NOMO2: variants seen among roughly 807,000 people sequenced by gnomAD.
NOMO2 encodes BOS complex subunit NOMO2.
In NOMO2, 14 loss-of-function variants were observed where a neutral mutation model predicts 67.1. That is an observed-to-expected ratio of 0.21 (90% CI 0.14 to 0.33). The LOEUF (loss-of-function observed/expected upper bound fraction) is 0.33, where lower values mean the gene tolerates loss of function less well. Ranked by LOEUF, NOMO2 falls within the 10% of genes least tolerant of loss-of-function variation. The probability of loss-of-function intolerance (pLI) is 1.00; values close to 1 mark genes in which losing one functional copy is unlikely to be tolerated. For synonymous variants in NOMO2, 80 were observed against 305.9 expected (o/e 0.26, Z 7.71); for missense variants, 178 against 761.0 (o/e 0.23, Z 9.01).
chr16:18,536,478 CTCTT>C (rs1400407085), intron 11 of NOMO2, among the ~76,000 whole-genome samples: 3 of 151,852 alleles, frequency 2.0e-5, no homozygotes, highest in African/African-American at 7.2e-5. Flanking sequence ...TAATTTTTAT[CTCTT>C]TATTTATTTT....
intron 28 of NOMO2, among the ~76,000 whole-genome samples, chr16:18,507,476 A>C (rs1287306814): frequency 1.8e-5 from 1 of 54,640 alleles, no homozygotes; most frequent in Non-Finnish European, 3.6e-5. Flanking sequence ...TGTGCTGAGC[A>C]CCGACCAGCT....
At chr16:18,528,696 T>C (rs1200278331) in intron 15 of NOMO2, among the ~76,000 whole-genome samples, 1 of 151,644 alleles carries the variant, frequency 6.6e-6, no homozygotes, top group African/African-American at 2.4e-5. Flanking sequence ...GGCTCACGCC[T>C]GTAATCCTAG....
intron 4 of NOMO2, among the ~76,000 whole-genome samples, chr16:18,550,574 T>C (rs978600198): frequency 6.6e-6 from 1 of 151,892 alleles, no homozygotes; most frequent in African/African-American, 2.4e-5. Context: ...GAAGCACATC[T>C]CAACCTCAGG....
intron 11 of NOMO2, 73 bp from the exon 12 acceptor site, chr16:18,533,252 A>C: frequency 3.9e-6 from 6 of 1,524,436 alleles, no homozygotes; most frequent in Non-Finnish European, 5.4e-6. Context: ...CGACCAAAAA[A>C]GATGCAGCCC....
intron 5 of NOMO2, among the ~76,000 whole-genome samples, chr16:18,549,235 C>T (rs1363105311): frequency 2.0e-5 from 3 of 151,712 alleles, no homozygotes; most frequent in Non-Finnish European, 2.9e-5. Flanking sequence ...GTGATCCTCC[C>T]ATCCTGGCCT....
intron 16 of NOMO2, among the ~76,000 whole-genome samples, chr16:18,526,350 C>T (rs1323306900): frequency 2.0e-5 from 3 of 152,090 alleles, no homozygotes; most frequent in Non-Finnish European, 2.9e-5. Context: ...CTGTGGAAAA[C>T]AATTTGACAG....
intron 11 of NOMO2, among the ~76,000 whole-genome samples, chr16:18,536,013 C>T (rs1352029681): frequency 1.3e-5 from 2 of 151,984 alleles, no homozygotes; most frequent in Non-Finnish European, 2.9e-5. Context: ...GGCCAGGCTG[C>T]GCTTGAACTC....
intron 1 of NOMO2, among the ~76,000 whole-genome samples, chr16:18,558,134 T>C (rs1287622630): frequency 6.8e-6 from 1 of 147,014 alleles, no homozygotes; most frequent in African/African-American, 2.5e-5. Context: ...CTTATTAACA[T>C]GCAAATTCCT....
At chr16:18,540,591 T>C (rs1487812913) in intron 9 of NOMO2, among the ~76,000 whole-genome samples, 2 of 151,788 alleles carry the variant, frequency 1.3e-5, no homozygotes, top group Admixed American at 1.3e-4. Flanking sequence ...TCCCCTCCAG[T>C]GTACAGCAGA....
At position 18,526,671 on chromosome 16, in the gene NOMO2, C is replaced by T. The variant is rs940839738; in HGVS notation, c.1894+866G>A. 9.4e-4 allele frequency among the ~76,000 whole-genome samples: 142 copies of T among 151,638 alleles called. 1 individual carries two copies. Among genetic ancestry groups the T allele is most frequent in the Non-Finnish European group, 1.5e-3 (104 of 67,876 alleles). ...AAGAAGCCAAACAAAATACCAGCAT[C>T]GTATGATAAACGTCCAAAAAAAGCC... On this transcript the variant is annotated intron_variant, in intron 16 of 30. Coordinates refer to ENST00000622306, the MANE Select transcript of NOMO2 (RefSeq NM_173614.4).
chr16:18,555,904 C>T (rs1481148959), intron 2 of NOMO2, among the ~76,000 whole-genome samples: 1 of 82,680 alleles, frequency 1.2e-5, no homozygotes, highest in African/African-American at 4.4e-5. Flanking sequence ...CTACCACGTC[C>T]AGCCTCCTGG....
chr16:18,556,777 C>T (rs1567247481), intron 2 of NOMO2, among the ~76,000 whole-genome samples: 1 of 151,980 alleles, frequency 6.6e-6, no homozygotes, highest in South Asian at 2.1e-4. Context: ...CATGTGTACC[C>T]GTGGATACCT....
At chr16:18,558,109 G>A (rs1901953242) in intron 1 of NOMO2, among the ~76,000 whole-genome samples, 1 of 149,100 alleles carries the variant, frequency 6.7e-6, no homozygotes, top group Admixed American at 6.9e-5. Context: ...TGCAAACTTT[G>A]CCATTAGTAA....
chr16:18,557,021 G>C (rs1458070810), intron 2 of NOMO2, among the ~76,000 whole-genome samples: 3 of 152,082 alleles, frequency 2.0e-5, no homozygotes, highest in Admixed American at 6.5e-5. Context: ...CAGCTATTCG[G>C]GAGGCCTAGG....
intron 1 of NOMO2, among the ~76,000 whole-genome samples, chr16:18,559,808 A>G (rs529231600): frequency 6.6e-6 from 1 of 152,160 alleles, no homozygotes; most frequent in East Asian, 2.0e-4. Flanking sequence ...CAGAGAAATA[A>G]AGAACCCAGT....
chr16:18,561,173 TAAAAAAAA>T lies in NOMO2; in HGVS notation c.165+695_165+702del, dbSNP rs756246897. 4.7e-3 allele frequency among the ~76,000 whole-genome samples: 153 copies of T among 32,442 alleles called. 1 individual carries two copies. Among genetic ancestry groups the T allele is most frequent in the African/African-American group, 0.012 (99 of 8,108 alleles). 21.3% of individuals were successfully genotyped at this position (32,442 alleles called of 152,430 possible). ...ATTTAACAGGACTTTACAACTTAAT[TAAAAAAAA>T]AAAAAAAAAAAAAAAAAAAAAAAAA... On this transcript the variant is annotated intron_variant, in intron 1 of 30. Coordinates refer to ENST00000622306, the MANE Select transcript of NOMO2 (RefSeq NM_173614.4).
At chr16:18,540,172 T>G (rs1901517277) in intron 9 of NOMO2, among the ~76,000 whole-genome samples, 1 of 150,320 alleles carries the variant, frequency 6.7e-6, no homozygotes. Flanking sequence ...ATGACTTCCT[T>G]TTTATGCAGG....
At chr16:18,536,116 C>T (rs527507851) in intron 11 of NOMO2, among the ~76,000 whole-genome samples, 4 of 152,070 alleles carry the variant, frequency 2.6e-5, no homozygotes, top group Non-Finnish European at 5.9e-5. Flanking sequence ...CAACTCCTAA[C>T]GGGTTTCCAC....
chr16:18,533,234 G>C (rs1211388405), intron 11 of NOMO2, 55 bp from the exon 12 acceptor site: 1 of 1,575,778 alleles, frequency 6.3e-7, no homozygotes, highest in East Asian at 2.2e-5. Flanking sequence ...AACAGGAAAG[G>C]CTCTTATCGA....
Sources: allele counts gnomAD v4.1 joint callset (sites outside exome capture counted in the v4.1 genomes callset), GRCh38; gene constraint gnomAD v4.1.1; transcripts MANE v1.5; gene names NCBI Gene and HGNC (gene_info 2026-07-23, HGNC 2026-07-21).